Variants in MED13 observed in about 807,000 individuals in gnomAD.
The protein encoded by MED13 is mediator of RNA polymerase II transcription subunit 13.
In MED13, 23 loss-of-function variants were observed where a neutral mutation model predicts 225.2. The ratio of observed to expected loss-of-function variants is 0.10; its 90% CI spans 0.07 to 0.14. MED13 has a LOEUF of 0.14. Ranked by LOEUF, MED13 falls within the 10% of genes least tolerant of loss-of-function variation. The pLI is 1.00. For synonymous variants in MED13, 942 were observed against 889.2 expected (o/e 1.06, Z -1.06); for missense variants, 2,197 against 2,594.5 (o/e 0.85, Z 3.33).
chr17:61,989,085 C>A (rs998930853), intron 11 of MED13, among the ~76,000 whole-genome samples: 8 of 151,130 alleles, frequency 5.3e-5, no homozygotes, highest in Non-Finnish European at 8.8e-5. Flanking sequence ...GATCTCGGCT[C>A]ACTGCAACCT....
In MED13 at chr17:62,010,733, T is replaced by C. The variant is rs2080499454; in HGVS notation, c.1784A>G (p.Glu595Gly). ...SFPPQYQEAVEPTVYVGTAVN... is the reference protein window; with the variant it reads ...SFPPQYQEAVGPTVYVGTAVN... ...TGCTGTACCAACATATACTGTAGGT[T>C]CTACAGCTTCCTGATATTGAGGTGG... The change falls in exon 9 of 30, where the codon GAA becomes GGA. Residue 595 changes from glutamate (E) to glycine (G), a missense_variant. By Grantham distance (98) the Glu-to-Gly change is moderately conservative. Transcript: ENST00000397786. The C allele has an allele frequency of 3.7e-6, 6 of 1,613,450 alleles. No homozygotes were observed.
intron 8 of MED13, among the ~76,000 whole-genome samples, chr17:62,020,190 C>A (rs1488961959): frequency 2.0e-5 from 3 of 151,694 alleles, no homozygotes; most frequent in South Asian, 2.1e-4. Flanking sequence ...TTAATGTTAA[C>A]ATGAGAAATT....
In MED13 at chr17:61,982,541, G is replaced by A. The variant is rs758583552; in HGVS notation, c.3462C>T (p.Asp1154=). ...AACGTTTTTCTGCTTCTTTGCCACA[G>A]TCTGTATTGCGTCCTATGATATCTA... ...DELDIIGRNT[D]CGKEAEKRFE... is the part of the protein sequence containing the mutation. Residue 1154 remains aspartate (D), a synonymous_variant, in exon 16 of 30, where the codon GAC becomes GAT. Coordinates refer to ENST00000397786, the MANE Select transcript of MED13 (RefSeq NM_005121.3). 2 of 1,614,148 alleles carry A rather than the reference G, an allele frequency of 1.2e-6. No homozygotes were observed. The highest frequency in any genetic ancestry group is 1.3e-5 in the African/African-American group (1 of 75,052).
At chr17:61,969,236 T>A (rs2080085584) in intron 17 of MED13, among the ~76,000 whole-genome samples, 1 of 152,110 alleles carries the variant, frequency 6.6e-6, no homozygotes, top group Admixed American at 6.6e-5. Context: ...ATGCCTGTAA[T>A]CCCAGCTACT....
At chr17:62,064,758 G>A (rs1387114857) in intron 1 of MED13, among the ~76,000 whole-genome samples, 2 of 152,168 alleles carry the variant, frequency 1.3e-5, no homozygotes, top group African/African-American at 4.8e-5. Context: ...ACATAAAGGC[G>A]GTGGGGAGCA....
intron 8 of MED13, 92 bp from the exon 9 acceptor site, chr17:62,011,325 A>G: frequency 1.8e-6 from 2 of 1,112,802 alleles, no homozygotes; most frequent in Admixed American, 3.1e-5. Context: ...TTCGGTTATC[A>G]TTTCTTTTTC....
chr17:62,064,046 TTAATC>T (rs1487571887), intron 1 of MED13, among the ~76,000 whole-genome samples: 1 of 152,198 alleles, frequency 6.6e-6, no homozygotes, highest in Non-Finnish European at 1.5e-5. Context: ...ATTCAGTAAT[TTAATC>T]TAACTTAAAG....
rs1247738418 is a variant in MED13 at position 62,031,533 on chromosome 17, C to A, written c.920G>T (p.Gly307Val). ...GSTHCSSSCL[G>V]VHQVPASTRD... Reference sequence around the variant, plus strand: ...TGTGGAAGCAGGCACTTGGTGGACACCCAAGCAAGAAGATGAACAGTGAGT... The same window carrying A: ...TGTGGAAGCAGGCACTTGGTGGACAACCAAGCAAGAAGATGAACAGTGAGT... Residue 307 changes from glycine (G) to valine (V), a missense_variant, in exon 6 of 30, where the codon GGT (glycine) becomes GTT (valine). Physicochemically the swap from Gly to Val is moderately radical, Grantham distance 109. Coordinates refer to ENST00000397786, the MANE Select transcript of MED13 (RefSeq NM_005121.3). The A allele has an allele frequency of 6.2e-7, 1 of 1,613,840 alleles. No individual in the cohort carries two copies. The highest frequency in any genetic ancestry group is 2.2e-5 in the East Asian group (1 of 44,860).
intron 2 of MED13, among the ~76,000 whole-genome samples, chr17:62,053,012 A>G (rs1298228900): frequency 6.6e-6 from 1 of 152,220 alleles, no homozygotes; most frequent in African/African-American, 2.4e-5. Flanking sequence ...ACTTGTTTGT[A>G]TAACCTGGAA....
chr17:61,987,441 A>T (rs1048517339), intron 11 of MED13, among the ~76,000 whole-genome samples: 1 of 152,130 alleles, frequency 6.6e-6, no homozygotes, highest in East Asian at 1.9e-4. Context: ...CTTAAAAACA[A>T]AAACAAAAAA....
At chr17:62,029,754 G>GA (rs1171406339) in intron 7 of MED13, 97 bp downstream of exon 7, 2 of 1,509,268 alleles carry the variant, frequency 1.3e-6, no homozygotes, top group East Asian at 4.6e-5. Flanking sequence ...ATGAGTTAAA[G>GA]AAAAATCAAA....
intron 2 of MED13, among the ~76,000 whole-genome samples, chr17:62,054,119 C>T (rs1026938716): frequency 2.6e-5 from 4 of 151,888 alleles, no homozygotes; most frequent in Middle Eastern, 3.4e-3. Context: ...CCAGCCTCGC[C>T]AACATGATGA....
At chr17:62,049,462 G>A (rs2080934731) in intron 3 of MED13, among the ~76,000 whole-genome samples, 2 of 152,122 alleles carry the variant, frequency 1.3e-5, no homozygotes, top group Admixed American at 6.5e-5. Flanking sequence ...GCTCTAGTGT[G>A]AAAGCAGGCA....
chr17:61,991,076 AC>A (rs1462498215), intron 11 of MED13, among the ~76,000 whole-genome samples: 2 of 152,188 alleles, frequency 1.3e-5, no homozygotes, highest in Non-Finnish European at 2.9e-5. Context: ...ATGTCACAAC[AC>A]AATCATAGTT....
intron 16 of MED13, among the ~76,000 whole-genome samples, chr17:61,977,017 C>T (rs2080162943): frequency 6.6e-6 from 1 of 152,062 alleles, no homozygotes; most frequent in African/African-American, 2.4e-5. Context: ...CAAACATAAC[C>T]TTCTTTCAAG....
chr17:62,029,449 C>T (rs972986335), intron 8 of MED13, 92 bp downstream of exon 8: 1 of 918,822 alleles, frequency 1.1e-6, no homozygotes, highest in Non-Finnish European at 1.7e-6. Context: ...GACATATGTT[C>T]ATGTAAGCTG....
At chr17:61,958,678 G>A (rs1254546125) in intron 23 of MED13, among the ~76,000 whole-genome samples, 1 of 151,682 alleles carries the variant, frequency 6.6e-6, no homozygotes, top group Non-Finnish European at 1.5e-5. Flanking sequence ...TCATTATGTT[G>A]GCCAGGCTGG....
intron 9 of MED13, among the ~76,000 whole-genome samples, chr17:62,008,317 CAAAAAAAAAAA>C (rs766909961): frequency 4.5e-4 from 15 of 33,208 alleles, no homozygotes; most frequent in Middle Eastern, 0.04. Flanking sequence ...GGCTCTGTCT[CAAAAAAAAAAA>C]AAAAAAAAAA....
chr17:61,967,880 A>G (rs2080072857), intron 18 of MED13, among the ~76,000 whole-genome samples, 155 bp downstream of exon 18: 1 of 152,234 alleles, frequency 6.6e-6, no homozygotes, highest in South Asian at 2.1e-4. Context: ...ACTGGGTCAA[A>G]CTCAGCAAAG....
Sources: gnomAD v4.1 joint callset for allele counts (sites outside exome capture counted in the v4.1 genomes callset) on GRCh38, gnomAD v4.1.1 for gene constraint, MANE v1.5 for transcripts, NCBI Gene and HGNC (gene_info 2026-07-23, HGNC 2026-07-21) for gene names.